The following MAPK8IP2 variants were observed in gnomAD, a reference collection of about 807,000 sequenced individuals.
MAPK8IP2 encodes C-Jun-amino-terminal kinase-interacting protein 2.
A neutral mutation model predicts 75.6 loss-of-function variants in MAPK8IP2; 15 were observed. The ratio of observed to expected loss-of-function variants is 0.20; its 90% CI spans 0.13 to 0.31. MAPK8IP2 has a LOEUF of 0.31. Ranked by LOEUF, MAPK8IP2 falls within the 10% of genes least tolerant of loss-of-function variation. The probability of loss-of-function intolerance (pLI) is 1.00; values close to 1 mark genes in which losing one functional copy is unlikely to be tolerated. For synonymous variants in MAPK8IP2, 632 were observed against 554.5 expected (o/e 1.14, Z -1.96); for missense variants, 1,089 against 1,211.2 (o/e 0.90, Z 1.50).
In MAPK8IP2 at chr22:50,605,918, G is replaced by A; in HGVS notation, c.2108G>A (p.Cys703Tyr). The A allele has an allele frequency of 2.5e-6, 4 of 1,577,872 alleles. No individual in the cohort carries two copies. The highest frequency in any genetic ancestry group is 3.4e-6 in the Non-Finnish European group (4 of 1,164,114). Residue 703 changes from cysteine to tyrosine, a missense_variant, in exon 8 of 12, where the codon TGT (cysteine) becomes TAT (tyrosine). Cys to Tyr is a radical substitution (Grantham distance 194). Transcript: ENST00000329492. Reference protein sequence around the residue: ...VPCHQGNGILCAAMQKIATAR... With the variant: ...VPCHQGNGILYAAMQKIATAR... Reference sequence around the variant, plus strand: ...TGCCACCAGGGCAACGGCATCCTGTGTGCAGCCATGCAGAAGGTCAGTGTG... The same window carrying A: ...TGCCACCAGGGCAACGGCATCCTGTATGCAGCCATGCAGAAGGTCAGTGTG...
At chr22:50,601,722 C>A in intron 1 of MAPK8IP2, 67 bp from the exon 2 acceptor site, 1 of 1,256,058 alleles carries the variant, frequency 8.0e-7, no homozygotes, top group Admixed American at 1.7e-5. Context: ...CTCTGCCCCT[C>A]CTCAGGGCCA....
rs1437779252 is a variant in MAPK8IP2 at position 50,610,926 on chromosome 22, C to T, written c.*147C>T. On this transcript the variant is annotated 3_prime_UTR_variant, in exon 12 of 12. Coordinates refer to ENST00000329492, the MANE Select transcript of MAPK8IP2 (RefSeq NM_012324.6). The surrounding 1 kb of genome is among the most constrained non-coding windows in gnomAD (Gnocchi z 4.3). The stretch of plus-strand genomic sequence containing the variant: ...TGGGGGTCTGCGGGCTGGGAACTCT[C>T]GTCCTCGGTCCCCAGGGCGCAGCTG... 65 of 654,362 alleles carry T rather than the reference C, an allele frequency of 9.9e-5. 1 individual carries two copies. The South Asian group carries it at 1.2e-3, about 12-fold the overall frequency. The allele number at this position is 654,362 out of a possible 1,614,324, so 40.5% of individuals were successfully genotyped here.
chr22:50,606,369 C>CTCCATCTGAG (rs3070186), intron 8 of MAPK8IP2, among the ~76,000 whole-genome samples: 1 of 151,846 alleles, frequency 6.6e-6, no homozygotes, highest in South Asian at 2.1e-4. Context: ...CAGAGCAGCC[C>CTCCATCTGAG]AGGGCGGGTG....
intron 2 of MAPK8IP2, among the ~76,000 whole-genome samples, chr22:50,602,887 T>C (rs2070960566): frequency 6.6e-6 from 1 of 152,212 alleles, no homozygotes; most frequent in Non-Finnish European, 1.5e-5. Flanking sequence ...CCATGTCCAG[T>C]AACTGTAAGT....
Position 50,604,373 on chromosome 22 carries a change from G to A in MAPK8IP2, c.1074G>A (p.Met358Ile), listed in dbSNP as rs2071002621. ...PWLLSNLVSR[M>I]ISEGSSPIRC... Reference sequence around the variant, plus strand: ...TGCTCAGCAACCTGGTGAGCCGCATGATCTCCGAGGGCTCCTCGCCCATCC... The same window carrying A: ...TGCTCAGCAACCTGGTGAGCCGCATAATCTCCGAGGGCTCCTCGCCCATCC... The change falls in exon 5 of 12, where the codon ATG becomes ATA. Residue 358 changes from methionine to isoleucine, a missense_variant. This residue lies in a region of MAPK8IP2 where 960 missense variants were observed against 1,009.6 expected (regional missense o/e 0.95). Coordinates refer to ENST00000329492, the MANE Select transcript of MAPK8IP2 (RefSeq NM_012324.6). The A allele has an allele frequency of 6.5e-7, 1 of 1,531,418 alleles. No homozygotes were observed. The highest frequency in any genetic ancestry group is 2.0e-5 in the Admixed American group (1 of 50,840). 94.9% of individuals were successfully genotyped at this position (1,531,418 alleles called of 1,614,324 possible).
At chr22:50,603,162 C>T (rs369033020) in intron 2 of MAPK8IP2, 61 bp from the exon 3 acceptor site, 1 of 1,610,790 alleles carries the variant, frequency 6.2e-7, no homozygotes, top group African/African-American at 1.3e-5. Flanking sequence ...CTCCTAGCAC[C>T]TGGGCCCCTG....
Position 50,605,559 on chromosome 22 carries a change from C to T in MAPK8IP2, c.1842-3C>T, listed in dbSNP as rs1287626306. The T allele has an allele frequency of 6.7e-7, 1 of 1,495,838 alleles. No individual in the cohort carries two copies. The highest frequency in any genetic ancestry group is 1.9e-5 in the Admixed American group (1 of 53,508). The allele number at this position is 1,495,838 out of a possible 1,614,324, so 92.7% of individuals were successfully genotyped here. ...TCCCCAGTGACCTCTCCCCCAACGG[C>T]AGGTTCATCCCGCGGCATCCAGACG... On this transcript the variant is annotated splice_polypyrimidine_tract_variant and splice_region_variant and intron_variant, in intron 6 of 11. Coordinates refer to ENST00000329492, the MANE Select transcript of MAPK8IP2 (RefSeq NM_012324.6).
At chr22:50,608,922 A>G (rs986326693) in intron 10 of MAPK8IP2, among the ~76,000 whole-genome samples, 2 of 152,190 alleles carry the variant, frequency 1.3e-5, no homozygotes, top group African/African-American at 4.8e-5. Flanking sequence ...ATCAGAAGGA[A>G]ACTGGGTGAA....
At chr22:50,606,501 C>T (rs1488436787) in intron 8 of MAPK8IP2, among the ~76,000 whole-genome samples, 157 bp from the exon 9 acceptor site, 2 of 152,246 alleles carry the variant, frequency 1.3e-5, no homozygotes, top group African/African-American at 4.8e-5. Context: ...GTGGCCAAGG[C>T]CACACCCCTT....
chr22:50,605,184 GGGTGCCCTCTC>G, intron 5 of MAPK8IP2, 120 bp downstream of exon 5: 1 of 1,281,338 alleles, frequency 7.8e-7, no homozygotes, highest in Non-Finnish European at 1.1e-6. Flanking sequence ...GGTCAGGGCT[GGGTGCCCTCTC>G]CCACCCAGGA....
intron 2 of MAPK8IP2, chr22:50,603,016 A>C: frequency 1.7e-5 from 17 of 1,021,830 alleles, no homozygotes; most frequent in Middle Eastern, 2.2e-4. Context: ...ATTCAGCTGT[A>C]GAGTTTAGGC....
In MAPK8IP2 at chr22:50,604,753, G is replaced by A. The variant is rs1348644834; in HGVS notation, c.1454G>A (p.Ser485Asn). 1 of 1,543,410 alleles carries A rather than the reference G, an allele frequency of 6.5e-7. No homozygotes were observed. The highest frequency in any genetic ancestry group is 8.7e-7 in the Non-Finnish European group (1 of 1,145,072). The change falls in exon 5 of 12, where the codon AGT (serine) becomes AAT (asparagine). Residue 485 changes from serine (S) to asparagine (N), a missense_variant. Ser to Asn is a conservative substitution (Grantham distance 46, BLOSUM62 1). Coordinates refer to ENST00000329492, the MANE Select transcript of MAPK8IP2 (RefSeq NM_012324.6). ...GAGGAAGAGGAGGATGCCGAGGACA[G>A]TGCGGGGTCCCCCGGGGGCAGGGGC... ...DDEEEEDAED[S>N]AGSPGGRGTG...
Position 50,606,660 on chromosome 22 carries a change from T to C in MAPK8IP2, c.2127T>C (p.Ile709=), listed in dbSNP as rs1016271695. The C allele has an allele frequency of 8.8e-6, 14 of 1,591,330 alleles. No homozygotes were observed. Among genetic ancestry groups the C allele is most frequent in the Non-Finnish European group, 1.2e-5 (14 of 1,168,878 alleles). ...NGILCAAMQK[I]ATARKLTVHL... ...TTCTCCCCCAACTTCTTCTGTAGAT[T>C]GCCACTGCCCGGAAACTGACCGTCC... Residue 709 remains isoleucine, a splice_region_variant and synonymous_variant, in exon 9 of 12, where the codon ATT becomes ATC. Coordinates refer to ENST00000329492, the MANE Select transcript of MAPK8IP2 (RefSeq NM_012324.6).
chr22:50,604,879 G>C lies in MAPK8IP2; in HGVS notation c.1580G>C (p.Arg527Pro). The C allele has an allele frequency of 6.2e-7, 1 of 1,606,388 alleles. No individual in the cohort carries two copies. Among genetic ancestry groups the C allele is most frequent in the Non-Finnish European group, 8.5e-7 (1 of 1,177,638 alleles). Residue 527 changes from arginine (R) to proline (P), a missense_variant, in exon 5 of 12, where the codon CGG becomes CCG. Transcript: ENST00000329492. ...EHTQLELVSLRRCAGLGHDSE... is the reference protein window; with the variant it reads ...EHTQLELVSLPRCAGLGHDSE... ...ACGCAGCTGGAGCTGGTGAGCCTGC[G>C]GCGCTGTGCTGGGCTGGGCCACGAC...
Position 50,608,797 on chromosome 22 carries a change from C to A in MAPK8IP2, c.2304-1415C>A, listed in dbSNP as rs1405719980. ...ACGGGGCGCAGACCAGACGGTGGGG[C>A]CAGCTCTGGGGTCACTGGGACAGCG... On this transcript the variant is annotated intron_variant, in intron 10 of 11. Coordinates refer to ENST00000329492, the MANE Select transcript of MAPK8IP2 (RefSeq NM_012324.6). Among the ~76,000 whole-genome samples, 1,026 of 133,454 alleles carry A rather than the reference C, an allele frequency of 7.7e-3. 75 individuals carry two copies. The highest frequency in any genetic ancestry group is 0.028 in the African/African-American group (980 of 34,628). The allele number at this position is 133,454 out of a possible 152,430, so 87.6% of individuals were successfully genotyped here.
Position 50,603,738 on chromosome 22 carries a change from G to A in MAPK8IP2, c.541+19G>A, listed in dbSNP as rs779460654. ...CTCAGAGGTGAGGGGTGGTGGGCCC[G>A]CGGGGCGCGGGGAAGCGGGGGAGGA... On this transcript the variant is annotated intron_variant, in intron 4 of 11. Coordinates refer to ENST00000329492, the MANE Select transcript of MAPK8IP2 (RefSeq NM_012324.6). 3 of 1,552,942 alleles carry A rather than the reference G, an allele frequency of 1.9e-6. No homozygotes were observed. The highest frequency in any genetic ancestry group is 2.6e-6 in the Non-Finnish European group (3 of 1,148,138).
rs1275031430 is a variant in MAPK8IP2, at chr22:50,612,452, C to T, written c.*1673C>T. The T allele has an allele frequency of 6.6e-6, 1 of 152,098 alleles. No homozygotes were observed. Among genetic ancestry groups the T allele is most frequent in the African/African-American group, 2.4e-5 (1 of 41,418 alleles). The allele number at this position is 152,098 out of a possible 1,614,324, so 9.4% of individuals were successfully genotyped here. On this transcript the variant is annotated 3_prime_UTR_variant, in exon 12 of 12. Transcript: ENST00000329492. Reference sequence around the variant, plus strand: ...GCTAAGGGAAGTATACACAAACTTACTACATAAACATTAGAAAGTGCTGTC... The same window carrying T: ...GCTAAGGGAAGTATACACAAACTTATTACATAAACATTAGAAAGTGCTGTC...
chr22:50,603,438 C>T lies in MAPK8IP2; in HGVS notation c.387C>T (p.Ser129=), dbSNP rs776699185. The T allele has an allele frequency of 3.2e-6, 5 of 1,568,340 alleles. No individual in the cohort carries two copies. The highest frequency in any genetic ancestry group is 1.8e-5 in the Admixed American group (1 of 56,060). The change falls in exon 3 of 12, where the codon TCC becomes TCT. Residue 129 remains serine, a synonymous_variant. Transcript: ENST00000329492. The stretch of plus-strand genomic sequence containing the variant: ...CCGGGCCCCTTATCCCCTCCCCTTC[C>T]GTGGAGGAGCCCCACAAGCACCGGC... ...PAPGPLIPSP[S]VEEPHKHRPT... is the part of the protein sequence containing the mutation.
Position 50,611,512 on chromosome 22 carries a change from C to T in MAPK8IP2, c.*733C>T, listed in dbSNP as rs531601090. Reference sequence around the variant, plus strand: ...CACGCCCCGTGCTGTGTTCCTGGGCCCTGCCCATGGCCTCAATAAACTCTC... The same window carrying T: ...CACGCCCCGTGCTGTGTTCCTGGGCTCTGCCCATGGCCTCAATAAACTCTC... On this transcript the variant is annotated 3_prime_UTR_variant, in exon 12 of 12. Transcript: ENST00000329492. The surrounding 1 kb of genome is among the most constrained non-coding windows in gnomAD (Gnocchi z 5.5). 1 of 152,458 alleles carries T rather than the reference C, an allele frequency of 6.6e-6. No individual in the cohort carries two copies. Among genetic ancestry groups the T allele is most frequent in the South Asian group, 2.1e-4 (1 of 4,832 alleles). 9.4% of individuals were successfully genotyped at this position (152,458 alleles called of 1,614,324 possible).
Sources: allele counts gnomAD v4.1 joint callset (sites outside exome capture counted in the v4.1 genomes callset), GRCh38; gene constraint gnomAD v4.1.1; regional missense constraint gnomAD v4.1.1; non-coding constraint Gnocchi (gnomAD v3.1); transcripts MANE v1.5; gene names NCBI Gene and HGNC (gene_info 2026-07-23, HGNC 2026-07-21).